The following LONP2 variants were observed in gnomAD, a reference collection of about 807,000 sequenced individuals.
The protein encoded by LONP2 is lon protease homolog 2, peroxisomal.
In LONP2, 60 loss-of-function variants were observed where a neutral mutation model predicts 85.6. That is an observed-to-expected ratio of 0.70 (90% CI 0.57 to 0.87). The LOEUF (loss-of-function observed/expected upper bound fraction) is 0.87, where lower values mean the gene tolerates loss of function less well. Among genes scored for constraint, LONP2 ranks in the 40% least tolerant of loss-of-function variants. The pLI is 0.00. For synonymous variants in LONP2, 395 were observed against 389.7 expected (o/e 1.01, Z -0.16); for missense variants, 860 against 1,063.5 (o/e 0.81, Z 2.66).
chr16:48,262,062 C>T (rs1395397126), intron 5 of LONP2, among the ~76,000 whole-genome samples: 2 of 152,030 alleles, frequency 1.3e-5, no homozygotes, highest in Non-Finnish European at 2.9e-5. Context: ...TGCTTAGTGA[C>T]TTAATATTTG....
intron 8 of LONP2, among the ~76,000 whole-genome samples, chr16:48,283,320 A>G (rs1047894276): frequency 7.9e-5 from 12 of 152,344 alleles, no homozygotes; most frequent in South Asian, 2.1e-4. Context: ...CAGATTTTCT[A>G]TGTAGATGAA....
At chr16:48,316,315 A>G (rs1205028531) in intron 11 of LONP2, among the ~76,000 whole-genome samples, 1 of 135,492 alleles carries the variant, frequency 7.4e-6, no homozygotes, top group Non-Finnish European at 1.6e-5. Context: ...CGCCCAGCCC[A>G]TTGGATTCTT....
Position 48,261,522 on chromosome 16 carries a change from G to GA in LONP2, c.829dup (p.Ile277AsnfsTer5). 1.9e-6 allele frequency: 3 copies of GA among 1,605,696 alleles called. No homozygotes were observed. The highest frequency in any genetic ancestry group is 2.6e-6 in the Non-Finnish European group (3 of 1,176,106). ...ATAATGATGACATTGTCATGCTAGAGAAAAAAATACGAACATCTAGTATGC... is the reference window on the plus strand; with the variant it reads ...ATAATGATGACATTGTCATGCTAGAGAAAAAAAATACGAACATCTAGTATGC... On this transcript the variant is annotated frameshift_variant, in exon 5 of 15. Coordinates refer to ENST00000285737, the MANE Select transcript of LONP2 (RefSeq NM_031490.5). LOFTEE classifies it high-confidence loss of function.
chr16:48,269,415 T>C (rs1214293894), intron 6 of LONP2, among the ~76,000 whole-genome samples: 3 of 152,152 alleles, frequency 2.0e-5, no homozygotes, highest in African/African-American at 7.2e-5. Context: ...AACCATAGAA[T>C]GTTACTGATA....
At chr16:48,256,171 C>T (rs1455229357) in intron 2 of LONP2, among the ~76,000 whole-genome samples, 1 of 152,054 alleles carries the variant, frequency 6.6e-6, no homozygotes, top group African/African-American at 2.4e-5. Flanking sequence ...GCAGCTTATC[C>T]TCAAATGTTC....
chr16:48,262,589 G>A (rs73555657), intron 5 of LONP2, among the ~76,000 whole-genome samples, 189 bp from the exon 6 acceptor site: 1 of 152,320 alleles, frequency 6.6e-6, no homozygotes, highest in East Asian at 1.9e-4. Flanking sequence ...TGGGGAGAGA[G>A]ATAGGAGTGG....
chr16:48,274,106 A>T (rs537643746), intron 7 of LONP2, among the ~76,000 whole-genome samples: 1 of 152,304 alleles, frequency 6.6e-6, no homozygotes, highest in South Asian at 2.1e-4. Flanking sequence ...TTACATTTGC[A>T]TGTAGCTCTT....
chr16:48,250,474 C>T (rs1175542685), intron 1 of LONP2, among the ~76,000 whole-genome samples: 2 of 151,264 alleles, frequency 1.3e-5, no homozygotes, highest in African/African-American at 4.9e-5. Context: ...AAGTGAGACT[C>T]CGTCTCAAAA....
chr16:48,313,237 AG>A (rs1973071721), intron 11 of LONP2, among the ~76,000 whole-genome samples: 1 of 152,164 alleles, frequency 6.6e-6, no homozygotes, highest in African/African-American at 2.4e-5. Flanking sequence ...CTGTAAATCT[AG>A]TTGGGGAGAA....
chr16:48,301,580 A>T (rs1972805735), intron 10 of LONP2, among the ~76,000 whole-genome samples: 1 of 144,340 alleles, frequency 6.9e-6, no homozygotes, highest in Non-Finnish European at 1.5e-5. Flanking sequence ...GGTTGCGGTG[A>T]GTTGAGATCG....
chr16:48,339,320 G>T (rs1447218720), intron 12 of LONP2, among the ~76,000 whole-genome samples: 1 of 152,228 alleles, frequency 6.6e-6, no homozygotes, highest in East Asian at 1.9e-4. Flanking sequence ...GAGATCAAAA[G>T]AAGATCAAGG....
chr16:48,347,115 C>T (rs918458364), intron 12 of LONP2, among the ~76,000 whole-genome samples: 8 of 152,106 alleles, frequency 5.3e-5, no homozygotes, highest in Admixed American at 2.0e-4. Flanking sequence ...AATTGTGTCA[C>T]TGTACTTCAA....
At chr16:48,351,553 C>T (rs781208925) in intron 14 of LONP2, 28 bp from the exon 15 acceptor site, 3 of 1,594,702 alleles carry the variant, frequency 1.9e-6, no homozygotes, top group African/African-American at 2.7e-5. Context: ...TGATCATTAA[C>T]CCTAAAAACT....
At chr16:48,253,529 A>C (rs1211084746) in intron 2 of LONP2, among the ~76,000 whole-genome samples, 2 of 152,204 alleles carry the variant, frequency 1.3e-5, no homozygotes, top group African/African-American at 4.8e-5. Flanking sequence ...GGCTGAAAGA[A>C]AGCACTTTGA....
At chr16:48,299,825 C>A (rs780048598) in intron 10 of LONP2, 37 bp downstream of exon 10, 7 of 1,591,232 alleles carry the variant, frequency 4.4e-6, no homozygotes, top group African/African-American at 4.1e-5. Flanking sequence ...TAACTCCAGG[C>A]AACTTTTGAG....
intron 4 of LONP2, among the ~76,000 whole-genome samples, chr16:48,259,658 C>G (rs995102397): frequency 1.3e-5 from 2 of 152,168 alleles, no homozygotes; most frequent in African/African-American, 4.8e-5. Context: ...AAGGGAAGAA[C>G]TCCTCCCCGG....
intron 2 of LONP2, among the ~76,000 whole-genome samples, chr16:48,254,400 G>A (rs1971714517): frequency 7.0e-6 from 1 of 142,414 alleles, no homozygotes; most frequent in Non-Finnish European, 1.5e-5. Flanking sequence ...GTCTTGCCCT[G>A]TTGCCCAGGC....
chr16:48,328,700 C>A (rs1249460602), intron 11 of LONP2, among the ~76,000 whole-genome samples: 1 of 149,472 alleles, frequency 6.7e-6, no homozygotes, highest in African/African-American at 2.5e-5. Context: ...AAAAAATTGG[C>A]CAGGTGTGGT....
intron 11 of LONP2, among the ~76,000 whole-genome samples, chr16:48,330,091 G>T (rs1253384104): frequency 1.3e-5 from 2 of 152,220 alleles, no homozygotes; most frequent in African/African-American, 2.4e-5. Flanking sequence ...TGTTTGAGAA[G>T]ATCTCTTTAC....
Sources: gnomAD v4.1 joint callset for allele counts (sites outside exome capture counted in the v4.1 genomes callset) on GRCh38, gnomAD v4.1.1 for gene constraint, MANE v1.5 for transcripts, NCBI Gene and HGNC (gene_info 2026-07-23, HGNC 2026-07-21) for gene names.